The following EPB41L1 variants were observed in gnomAD, a reference collection of about 807,000 sequenced individuals.
EPB41L1 encodes band 4.1-like protein 1.
In EPB41L1, 29 loss-of-function variants were observed where a neutral mutation model predicts 97.8. That is an observed-to-expected ratio of 0.30 (90% CI 0.22 to 0.40). EPB41L1 has a LOEUF of 0.40. Among genes scored for constraint, EPB41L1 ranks in the 10% least tolerant of loss-of-function variants. The pLI, the probability that EPB41L1 is intolerant of heterozygous loss-of-function variation, is 1.00. For missense variants in EPB41L1, 812 were observed against 1,162.3 expected, an observed-to-expected ratio of 0.70 and a Z score of 4.38; for synonymous variants, 383 against 459.2, an observed-to-expected ratio of 0.83 and a Z score of 2.12.
At chr20:36,136,061 T>C (rs1239233218) in intron 2 of EPB41L1, among the ~76,000 whole-genome samples, 1 of 152,194 alleles carries the variant, frequency 6.6e-6, no homozygotes, top group Non-Finnish European at 1.5e-5. Flanking sequence ...TCCCCCTATT[T>C]CTTTGGCATC....
At chr20:36,198,151 C>A in intron 14 of EPB41L1, 110 bp downstream of exon 14, 1 of 1,014,764 alleles carries the variant, frequency 9.9e-7, no homozygotes, top group Non-Finnish European at 1.5e-6. Context: ...CCCATTGCTG[C>A]TTAGGGGCTG....
At chr20:36,136,401 A>C (rs962879342) in intron 2 of EPB41L1, among the ~76,000 whole-genome samples, 1 of 140,438 alleles carries the variant, frequency 7.1e-6, no homozygotes, top group African/African-American at 2.7e-5. Context: ...GCTGATCTGG[A>C]ACTCCTGGCC....
Position 36,207,148 on chromosome 20 carries a change from AC to A in EPB41L1, c.1669-2338del, listed in dbSNP as rs1468568481. ...TCTGGAGGAAGCTTCTCCAAGCCCA[AC>A]CTCCCATGGGTCAGGGGAGCCTTCG... On this transcript the variant is annotated intron_variant, in intron 14 of 21. Coordinates refer to ENST00000338074, the MANE Select transcript of EPB41L1 (RefSeq NM_012156.2). The surrounding 1 kb of genome is among the most constrained non-coding windows in gnomAD (Gnocchi z 4.9). The A allele has an allele frequency of 4.7e-6, 6 of 1,289,312 alleles. No individual in the cohort carries two copies. The highest frequency in any genetic ancestry group is 6.1e-6 in the Non-Finnish European group (6 of 988,538). 79.9% of individuals were successfully genotyped at this position (1,289,312 alleles called of 1,614,324 possible). A position where few individuals can be genotyped will look rare whatever the true frequency, so the allele number is the denominator to read the frequency against.
chr20:36,225,345 G>C (rs1017016493), intron 21 of EPB41L1, among the ~76,000 whole-genome samples: 3 of 152,162 alleles, frequency 2.0e-5, no homozygotes, highest in African/African-American at 7.2e-5. Context: ...GCTGAGCTGG[G>C]TGTATCACCT....
rs754163759 is a variant in EPB41L1 at position 36,209,764 on chromosome 20, G to A, written c.1945G>A (p.Asp649Asn). 1.3e-5 allele frequency: 21 copies of A among 1,613,990 alleles called. No homozygotes were observed. In the East Asian group the frequency reaches 2.0e-4, roughly 15 times the overall value. The change falls in exon 15 of 22, where the codon GAC becomes AAC. Residue 649 changes from aspartate to asparagine, a missense_variant. This residue lies in a region of EPB41L1 where 498 missense variants were observed against 622.7 expected (regional missense o/e 0.80). Transcript: ENST00000338074. This position sits in a 1 kb window ranked among gnomAD's most constrained non-coding sequence, Gnocchi z 4.2. ...GCCTGAGCTCGACCGGGACAAAAGCGACTCGGACACTGAGGGCCTGCTGTT... is the reference window on the plus strand; with the variant it reads ...GCCTGAGCTCGACCGGGACAAAAGCAACTCGGACACTGAGGGCCTGCTGTT... ...SLPELDRDKS[D>N]SDTEGLLFSR...
rs1009767984 is a variant in EPB41L1, at chr20:36,231,841, AG to A, written c.*2502del. 1.3e-5 allele frequency: 2 copies of A among 152,832 alleles called. No homozygotes were observed. Among genetic ancestry groups the A allele is most frequent in the African/African-American group, 4.8e-5 (2 of 41,534 alleles). The allele number at this position is 152,832 out of a possible 1,614,324, so 9.5% of individuals were successfully genotyped here. A position where few individuals can be genotyped will look rare whatever the true frequency, so the allele number is the denominator to read the frequency against. On this transcript the variant is annotated 3_prime_UTR_variant, in exon 22 of 22. Transcript: ENST00000338074. ...GAACCTTCTTCCTGCCCTTCTTGAG[AG>A]TTCCCCCTCTTTCTGGGTCAAGAGC... is the stretch of plus-strand genomic sequence containing the variant.
At chr20:36,208,946 C>T (rs1300675941) in intron 14 of EPB41L1, among the ~76,000 whole-genome samples, 3 of 152,182 alleles carry the variant, frequency 2.0e-5, no homozygotes, top group Non-Finnish European at 2.9e-5. Context: ...TCTCTCTAGT[C>T]GATGCTGACC....
intron 17 of EPB41L1, among the ~76,000 whole-genome samples, chr20:36,216,928 G>A (rs979899360): frequency 4.6e-5 from 7 of 152,276 alleles, no homozygotes; most frequent in East Asian, 1.9e-4. Context: ...TCGTGACACC[G>A]TTCACTAGCC....
Position 36,206,653 on chromosome 20 carries a change from C to T in EPB41L1, c.1669-2835C>T. 1 of 1,289,782 alleles carries T rather than the reference C, an allele frequency of 7.8e-7. No homozygotes were observed. Among genetic ancestry groups the T allele is most frequent in the Non-Finnish European group, 1.0e-6 (1 of 988,864 alleles). The allele number at this position is 1,289,782 out of a possible 1,614,324, so 79.9% of individuals were successfully genotyped here. A position where few individuals can be genotyped will look rare whatever the true frequency, so the allele number is the denominator to read the frequency against. On this transcript the variant is annotated intron_variant, in intron 14 of 21. Transcript: ENST00000338074. This position sits in a 1 kb window ranked among gnomAD's most constrained non-coding sequence, Gnocchi z 5.5. ...CAAGGACGAAGCCCACATGACTTCCCCAAAGGAAGGGGCAGGGACCCCCAA... is the reference window on the plus strand; with the variant it reads ...CAAGGACGAAGCCCACATGACTTCCTCAAAGGAAGGGGCAGGGACCCCCAA...
intron 13 of EPB41L1, among the ~76,000 whole-genome samples, chr20:36,197,127 C>T (rs745940004): frequency 1.1e-4 from 17 of 152,250 alleles, no homozygotes; most frequent in Non-Finnish European, 2.2e-4. Context: ...TGAAAGGTAT[C>T]TGGAAGGTCC....
rs6060811 is a variant in EPB41L1 at position 36,134,145 on chromosome 20, C to G, written c.-10+21665C>G. Reference sequence around the variant, plus strand: ...AAGTGGCGGGGCTGGGATTTGAACCCAGGTCTGTCTGTCTCCAAAGTTCTT... The same window carrying G: ...AAGTGGCGGGGCTGGGATTTGAACCGAGGTCTGTCTGTCTCCAAAGTTCTT... On this transcript the variant is annotated intron_variant, in intron 2 of 19. Coordinates refer to the EPB41L1 transcript ENST00000202028. Among the ~76,000 whole-genome samples the G allele has an allele frequency of 3.1e-3, 477 of 152,298 alleles. 7 individuals are homozygous for G. Among genetic ancestry groups the G allele is most frequent in the African/African-American group, 0.011 (450 of 41,558 alleles).
rs1363834599 is a variant in EPB41L1 at position 36,093,225 on chromosome 20, G to A, written c.-65+1613G>A. ...CGTGTGTCTGTCGGTGAATGTATCTGTGAGAGGGTGTGTCCGAATGTGTAG... is the reference window on the plus strand; with the variant it reads ...CGTGTGTCTGTCGGTGAATGTATCTATGAGAGGGTGTGTCCGAATGTGTAG... On this transcript the variant is annotated intron_variant, in intron 1 of 19. Transcript: ENST00000202028. The surrounding 1 kb of genome is among the most constrained non-coding windows in gnomAD (Gnocchi z 5.4). 6.6e-6 allele frequency among the ~76,000 whole-genome samples: 1 copy of A among 152,146 alleles called. No homozygotes were observed. Among genetic ancestry groups the A allele is most frequent in the Non-Finnish European group, 1.5e-5 (1 of 68,016 alleles).
In EPB41L1 at chr20:36,232,099, A is replaced by G. The variant is rs2064514223; in HGVS notation, c.*2759A>G. The G allele has an allele frequency of 6.5e-6, 1 of 152,754 alleles. No individual in the cohort carries two copies. The highest frequency in any genetic ancestry group is 1.5e-5 in the Non-Finnish European group (1 of 68,156). The allele number at this position is 152,754 out of a possible 1,614,324, so 9.5% of individuals were successfully genotyped here. On this transcript the variant is annotated 3_prime_UTR_variant, in exon 22 of 22. Transcript: ENST00000338074. The stretch of plus-strand genomic sequence containing the variant: ...GGATGCTGTGACCTCCCTTCTACGG[A>G]GATGCAGGCAGTGCCACGAGGGAGG...
Position 36,231,544 on chromosome 20 carries a change from A to G in EPB41L1, c.*2204A>G, listed in dbSNP as rs1729111895. On this transcript the variant is annotated 3_prime_UTR_variant, in exon 22 of 22. Coordinates refer to ENST00000338074, the MANE Select transcript of EPB41L1 (RefSeq NM_012156.2). ...TCGCCAACCTATCGGGGCATAGCCC[A>G]GGGATGCCCCCAGGCGGCCCAGGTT... 1 of 152,466 alleles carries G rather than the reference A, an allele frequency of 6.6e-6. No individual in the cohort carries two copies. The highest frequency in any genetic ancestry group is 6.5e-5 in the Admixed American group (1 of 15,312). 9.4% of individuals were successfully genotyped at this position (152,466 alleles called of 1,614,324 possible). A position where few individuals can be genotyped will look rare whatever the true frequency, so the allele number is the denominator to read the frequency against.
At chr20:36,188,164 G>A (rs781553108) in intron 8 of EPB41L1, among the ~76,000 whole-genome samples, 183 bp from the exon 9 acceptor site, 2 of 152,178 alleles carry the variant, frequency 1.3e-5, no homozygotes, top group African/African-American at 2.4e-5. Context: ...TACCTAAATG[G>A]ATGAGTGAAT....
intron 2 of EPB41L1, among the ~76,000 whole-genome samples, chr20:36,140,116 G>T (rs568708907): frequency 1.3e-5 from 2 of 151,590 alleles, no homozygotes; most frequent in African/African-American, 4.9e-5. Flanking sequence ...GTGCAGAAGC[G>T]CAATCTCTGC....
chr20:36,109,554 A>C (rs953432461), intron 1 of EPB41L1: 2 of 152,198 alleles, frequency 1.3e-5, no homozygotes, highest in Non-Finnish European at 2.9e-5. Context: ...CAGTTATTCC[A>C]TGTGCCTCAA....
chr20:36,198,065 G>A (rs777735119), intron 14 of EPB41L1, 24 bp downstream of exon 14: 117 of 1,606,232 alleles, frequency 7.3e-5, no homozygotes, highest in East Asian at 2.5e-4. Flanking sequence ...TGAACCCCTC[G>A]ATAGGGGCCT....
chr20:36,099,007 A>G (rs958409053), intron 1 of EPB41L1, among the ~76,000 whole-genome samples: 5 of 152,110 alleles, frequency 3.3e-5, no homozygotes, highest in Non-Finnish European at 7.4e-5. Flanking sequence ...TGTCTCTACT[A>G]AAAATACAAA....
Sources: allele counts gnomAD v4.1 joint callset (sites outside exome capture counted in the v4.1 genomes callset), GRCh38; gene constraint gnomAD v4.1.1; regional missense constraint gnomAD v4.1.1; non-coding constraint Gnocchi (gnomAD v3.1); transcripts MANE v1.5; gene names NCBI Gene and HGNC (gene_info 2026-07-23, HGNC 2026-07-21).